The following CYP7B1 variants were observed in gnomAD, a reference collection of about 807,000 sequenced individuals.
CYP7B1 encodes the protein cytochrome P450 family 7 subfamily B member 1, also known as cytochrome P450 7B1.
In CYP7B1, 29 loss-of-function variants were observed where a neutral mutation model predicts 42.7. The observed-to-expected ratio is 0.68, with a 90% CI of 0.51 to 0.93. The LOEUF (loss-of-function observed/expected upper bound fraction) is 0.93. Among genes scored for constraint, CYP7B1 ranks in the 40% least tolerant of loss-of-function variants. The probability of loss-of-function intolerance (pLI) is 0.00; values close to 1 mark genes in which losing one functional copy is unlikely to be tolerated. For synonymous variants in CYP7B1, 235 were observed against 218.2 expected, an observed-to-expected ratio of 1.08 and a Z score of -0.68; for missense variants, 655 against 600.5, an observed-to-expected ratio of 1.09 and a Z score of -0.95.
chr8:64,663,255 G>A (rs970348623), intron 1 of CYP7B1, among the ~76,000 whole-genome samples: 5 of 152,130 alleles, frequency 3.3e-5, no homozygotes, highest in African/African-American at 1.2e-4. Flanking sequence ...AGACAGTGAG[G>A]AATCATATAT....
chr8:64,758,137 T>C (rs1016245456), intron 1 of CYP7B1, among the ~76,000 whole-genome samples: 13 of 152,094 alleles, frequency 8.5e-5, no homozygotes, highest in African/African-American at 3.1e-4. Flanking sequence ...ATTCCTATGG[T>C]TACCTAGAAC....
At chr8:64,729,763 T>C (rs912478710) in intron 1 of CYP7B1, among the ~76,000 whole-genome samples, 4 of 152,212 alleles carry the variant, frequency 2.6e-5, no homozygotes, top group African/African-American at 9.6e-5. Context: ...TTGGATCCGA[T>C]TCTAACATTT....
rs1278922515 is a variant in CYP7B1, at chr8:64,751,127, CTG to C, written c.122+47337_122+47338del. ...CTAAATTATTTTCTTAAAATGTAAACTGTTTTAAATTTTAAAAGTAATGTGCT... is the reference window on the plus strand; with the variant it reads ...CTAAATTATTTTCTTAAAATGTAAACTTTTAAATTTTAAAAGTAATGTGCT... On this transcript the variant is annotated intron_variant, in intron 1 of 5. Coordinates refer to ENST00000310193, the MANE Select transcript of CYP7B1 (RefSeq NM_004820.5). Among the ~76,000 whole-genome samples the C allele has an allele frequency of 1.6e-4, 25 of 152,232 alleles. No homozygotes were observed. In the East Asian group the frequency reaches 3.3e-3, roughly 20 times the overall value.
intron 1 of CYP7B1, among the ~76,000 whole-genome samples, chr8:64,677,720 T>TG (rs1224162804): frequency 1.3e-5 from 2 of 149,050 alleles, no homozygotes; most frequent in African/African-American, 2.5e-5. Context: ...TTTTTTTTTT[T>TG]TTTTTTTTTT....
Position 64,596,546 on chromosome 8 carries a change from T to C in CYP7B1, c.*96A>G. The C allele has an allele frequency of 7.9e-7, 1 of 1,273,210 alleles. No homozygotes were observed. Among genetic ancestry groups the C allele is most frequent in the Non-Finnish European group, 1.1e-6 (1 of 916,214 alleles). 78.9% of individuals were successfully genotyped at this position (1,273,210 alleles called of 1,614,324 possible). The stretch of plus-strand genomic sequence containing the variant: ...TAGAAATTAGCGCTTTTTAAACAAA[T>C]AAATCAATTACATTTGCAGAAATTA... On this transcript the variant is annotated 3_prime_UTR_variant, in exon 6 of 6. Coordinates refer to ENST00000310193, the MANE Select transcript of CYP7B1 (RefSeq NM_004820.5).
chr8:64,655,785 TA>T (rs566801014), intron 1 of CYP7B1, among the ~76,000 whole-genome samples: 113 of 152,050 alleles, frequency 7.4e-4, no homozygotes, highest in Non-Finnish European at 1.5e-3. Flanking sequence ...ATGAAACAGA[TA>T]AAAAAATGTG....
At chr8:64,728,292 T>C (rs774879007) in intron 1 of CYP7B1, among the ~76,000 whole-genome samples, 22 of 152,224 alleles carry the variant, frequency 1.4e-4, no homozygotes, top group Non-Finnish European at 2.8e-4. Context: ...AGTTACCAAG[T>C]ATATTGTTAC....
intron 1 of CYP7B1, among the ~76,000 whole-genome samples, chr8:64,675,199 C>T (rs1221119297): frequency 6.6e-6 from 1 of 152,100 alleles, no homozygotes; most frequent in African/African-American, 2.4e-5. Flanking sequence ...TGTAAATTCA[C>T]TTTGAATGTA....
chr8:64,779,646 A>C (rs768686422), intron 1 of CYP7B1, among the ~76,000 whole-genome samples: 6 of 152,126 alleles, frequency 3.9e-5, no homozygotes, highest in Non-Finnish European at 5.9e-5. Context: ...AGATGATTTG[A>C]GTATTCATAG....
chr8:64,675,082 C>A (rs1360185128), intron 1 of CYP7B1, among the ~76,000 whole-genome samples: 1 of 152,070 alleles, frequency 6.6e-6, no homozygotes, highest in Non-Finnish European at 1.5e-5. Flanking sequence ...TGGTGTTCTT[C>A]ATGGAAGTTA....
At chr8:64,769,518 T>C (rs1804180929) in intron 1 of CYP7B1, among the ~76,000 whole-genome samples, 1 of 152,178 alleles carries the variant, frequency 6.6e-6, no homozygotes, top group Non-Finnish European at 1.5e-5. Flanking sequence ...AATTTTGTAT[T>C]CCATTTTTTT....
intron 1 of CYP7B1, among the ~76,000 whole-genome samples, chr8:64,647,396 G>A (rs1805970752): frequency 6.6e-6 from 1 of 152,128 alleles, no homozygotes; most frequent in South Asian, 2.1e-4. Flanking sequence ...AAAAAAAATG[G>A]TGCTGATAGA....
chr8:64,677,095 C>T (rs1334745136), intron 1 of CYP7B1, among the ~76,000 whole-genome samples: 1 of 152,014 alleles, frequency 6.6e-6, no homozygotes, highest in Non-Finnish European at 1.5e-5. Flanking sequence ...AATATATTTA[C>T]ACGAACAATT....
At chr8:64,619,251 C>G (rs1369821003) in intron 2 of CYP7B1, among the ~76,000 whole-genome samples, 1 of 152,120 alleles carries the variant, frequency 6.6e-6, no homozygotes. Flanking sequence ...CAAAGGAAAT[C>G]TTCTGAAAAG....
intron 1 of CYP7B1, among the ~76,000 whole-genome samples, chr8:64,695,903 A>G (rs7815372): frequency 0.66 from 99,599 of 151,946 alleles, 33,489 homozygotes; most frequent in Middle Eastern, 0.78. Flanking sequence ...AATGTTTTCA[A>G]GTACTTCAAA....
chr8:64,729,300 C>A (rs1807373687), intron 1 of CYP7B1, among the ~76,000 whole-genome samples: 1 of 152,150 alleles, frequency 6.6e-6, no homozygotes, highest in African/African-American at 2.4e-5. Flanking sequence ...ATTACTTGAT[C>A]AGAACATACA....
chr8:64,653,031 T>G (rs1187697308), intron 1 of CYP7B1, among the ~76,000 whole-genome samples: 1 of 151,964 alleles, frequency 6.6e-6, no homozygotes, highest in African/African-American at 2.4e-5. Context: ...GCACTAAATA[T>G]CCACATCCAA....
chr8:64,608,588 A>AAG (rs1277207275), intron 4 of CYP7B1, among the ~76,000 whole-genome samples: 1 of 151,920 alleles, frequency 6.6e-6, no homozygotes, highest in East Asian at 1.9e-4. Flanking sequence ...GGTGATCTTA[A>AAG]AGAGAAGGTG....
intron 2 of CYP7B1, among the ~76,000 whole-genome samples, chr8:64,623,767 G>A (rs1334430737): frequency 6.6e-6 from 1 of 152,088 alleles, no homozygotes; most frequent in Non-Finnish European, 1.5e-5. Flanking sequence ...CAGAGGCAGG[G>A]GAAGAAGAAT....
Sources: allele counts gnomAD v4.1 joint callset (sites outside exome capture counted in the v4.1 genomes callset), GRCh38; gene constraint gnomAD v4.1.1; transcripts MANE v1.5; gene names NCBI Gene and HGNC (gene_info 2026-07-23, HGNC 2026-07-21).